Variants in PLCE1 observed in about 807,000 individuals in gnomAD.
PLCE1 encodes the protein phospholipase C epsilon 1.
In PLCE1, 119 loss-of-function variants were observed where a neutral mutation model predicts 242.8. That is an observed-to-expected ratio of 0.49 (90% CI 0.42 to 0.57). The LOEUF (loss-of-function observed/expected upper bound fraction) is 0.57. PLCE1 is among the 20% of genes least tolerant of loss of function. PLCE1 has a pLI of 0.00. For missense variants in PLCE1, 2,441 were observed against 2,788.8 expected, an observed-to-expected ratio of 0.88 and a Z score of 2.81; for synonymous variants, 945 against 1,017.4, an observed-to-expected ratio of 0.93 and a Z score of 1.35.
Position 94,031,593 on chromosome 10 carries a change from A to G in PLCE1, c.547A>G (p.Arg183Gly). 1.2e-6 allele frequency: 2 copies of G among 1,612,954 alleles called. No homozygotes were observed. Among genetic ancestry groups the G allele is most frequent in the Admixed American group, 1.7e-5 (1 of 59,982 alleles). Residue 183 changes from arginine (R) to glycine (G), a missense_variant, in exon 2 of 33, where the codon AGA (arginine) becomes GGA (glycine). This residue lies in a region of PLCE1 where 393 missense variants were observed against 378.5 expected (regional missense o/e 1.04). Transcript: ENST00000371380. ...GACAGGCAGAGCACACCCTGACAGC[A>G]GAAGGGCAGTATTTCATTTTCATTA... ...IETGRAHPDSRRAVFHFHYEV... is the reference protein window; with the variant it reads ...IETGRAHPDSGRAVFHFHYEV...
intron 3 of PLCE1, among the ~76,000 whole-genome samples, chr10:94,142,115 G>C (rs1440403553): frequency 6.6e-6 from 1 of 152,058 alleles, no homozygotes; most frequent in Non-Finnish European, 1.5e-5. Context: ...TTCAACATTG[G>C]GTCATCCTAT....
chr10:94,031,354 A>T lies in PLCE1; in HGVS notation c.308A>T (p.Asn103Ile). Residue 103 changes from asparagine to isoleucine, a missense_variant, in exon 2 of 33, where the codon AAC (asparagine) becomes ATC (isoleucine). Coordinates refer to ENST00000371380, the MANE Select transcript of PLCE1 (RefSeq NM_016341.4). Reference sequence around the variant, plus strand: ...ATGCCAGATTCTGCGAAAAACCTTAACATTAACTGCAACAACATATTGAGA... The same window carrying T: ...ATGCCAGATTCTGCGAAAAACCTTATCATTAACTGCAACAACATATTGAGA... Reference protein sequence around the residue: ...KIMPDSAKNLNINCNNILRNH... With the variant: ...KIMPDSAKNLIINCNNILRNH... 3.1e-6 allele frequency: 5 copies of T among 1,613,918 alleles called. No homozygotes were observed. Among genetic ancestry groups the T allele is most frequent in the Non-Finnish European group, 4.2e-6 (5 of 1,179,862 alleles).
At chr10:94,069,210 T>C (rs2044282468) in intron 2 of PLCE1, among the ~76,000 whole-genome samples, 1 of 152,222 alleles carries the variant, frequency 6.6e-6, no homozygotes. Context: ...GAACACAAAA[T>C]TTTAATGCTA....
intron 4 of PLCE1, among the ~76,000 whole-genome samples, chr10:94,216,532 C>T (rs1340186268): frequency 2.6e-5 from 4 of 152,098 alleles, no homozygotes; most frequent in Non-Finnish European, 5.9e-5. Context: ...CCAGAGGTGG[C>T]AGCAGCTTGG....
chr10:94,240,805 A>AT (rs2050481350), intron 7 of PLCE1, among the ~76,000 whole-genome samples: 1 of 152,078 alleles, frequency 6.6e-6, no homozygotes, highest in Non-Finnish European at 1.5e-5. Flanking sequence ...CCTTTCTTCT[A>AT]TTTTTACTCC....
intron 2 of PLCE1, chr10:94,088,131 C>T (rs2135327095): frequency 6.6e-6 from 1 of 152,356 alleles, no homozygotes; most frequent in South Asian, 2.1e-4. Flanking sequence ...TACCTAATAG[C>T]TTACCACTAC....
intron 4 of PLCE1, among the ~76,000 whole-genome samples, chr10:94,226,831 CTTTTTTTTTT>C (rs1177112312): frequency 2.0e-5 from 2 of 101,818 alleles, no homozygotes; most frequent in East Asian, 2.7e-4. Flanking sequence ...ACCTATAGGT[CTTTTTTTTTT>C]TTTTTTTTTT....
chr10:94,022,632 G>C (rs2061392222), intron 1 of PLCE1, among the ~76,000 whole-genome samples: 1 of 151,890 alleles, frequency 6.6e-6, no homozygotes, highest in Non-Finnish European at 1.5e-5. Context: ...AGTCTGTATA[G>C]GCCCCCCTTT....
chr10:94,061,554 G>A (rs2044056293), intron 2 of PLCE1, among the ~76,000 whole-genome samples: 1 of 152,136 alleles, frequency 6.6e-6, no homozygotes, highest in Non-Finnish European at 1.5e-5. Flanking sequence ...ACATGATCAA[G>A]AAGATAATGC....
rs541146630 is a variant in PLCE1 at position 94,187,184 on chromosome 10, G to A, written c.1809+15688G>A. Reference sequence around the variant, plus strand: ...TGTGTGTGTGTGTGTGTGTGTGTGCGTGCACACACATTACTGCATCTAGTT... The same window carrying A: ...TGTGTGTGTGTGTGTGTGTGTGTGCATGCACACACATTACTGCATCTAGTT... On this transcript the variant is annotated intron_variant, in intron 4 of 32. Coordinates refer to ENST00000371380, the MANE Select transcript of PLCE1 (RefSeq NM_016341.4). Among the ~76,000 whole-genome samples, 8 of 151,102 alleles carry A rather than the reference G, an allele frequency of 5.3e-5. No homozygotes were observed. The East Asian group carries it at 7.8e-4, about 15-fold the overall frequency.
rs2051407862 is a variant in PLCE1 at position 94,263,906 on chromosome 10, A to G, written c.4053+1174A>G. ...AACTATTATAAGGAGTTGGTACATAATTTTTTGTTGTTATTCTAGAACATG... is the reference window on the plus strand; with the variant it reads ...AACTATTATAAGGAGTTGGTACATAGTTTTTTGTTGTTATTCTAGAACATG... On this transcript the variant is annotated intron_variant, in intron 14 of 32. Transcript: ENST00000371380. 1.3e-5 allele frequency among the ~76,000 whole-genome samples: 2 copies of G among 152,032 alleles called. 1 individual carries two copies. Among genetic ancestry groups the G allele is most frequent in the South Asian group, 4.2e-4 (2 of 4,816 alleles).
chr10:94,218,903 T>TAA (rs10661238), intron 4 of PLCE1, among the ~76,000 whole-genome samples: 93,836 of 145,990 alleles, frequency 0.64, 30,422 homozygotes, highest in East Asian at 0.92. Context: ...TATATAATTA[T>TAA]AAAAAATCTG....
At chr10:94,188,588 C>T (rs1457116631) in intron 4 of PLCE1, among the ~76,000 whole-genome samples, 9 of 151,988 alleles carry the variant, frequency 5.9e-5, no homozygotes. Context: ...TTGGTTTGTT[C>T]GTTTGTTTGT....
At chr10:94,162,277 A>G (rs1309563228) in intron 3 of PLCE1, among the ~76,000 whole-genome samples, 2 of 152,180 alleles carry the variant, frequency 1.3e-5, no homozygotes, top group Admixed American at 6.5e-5. Context: ...CTGTGAATCC[A>G]TCTGGTCCTG....
chr10:94,302,395 T>C (rs187620839), intron 24 of PLCE1, among the ~76,000 whole-genome samples: 10 of 152,288 alleles, frequency 6.6e-5, no homozygotes, highest in Admixed American at 6.5e-4. Context: ...TAAAATAAAA[T>C]AATTTTTTAA....
At chr10:94,304,743 A>G (rs1195116049) in intron 25 of PLCE1, 98 bp downstream of exon 25, 12 of 1,175,090 alleles carry the variant, frequency 1.0e-5, no homozygotes, top group East Asian at 2.3e-5. Context: ...CTGTCATGTC[A>G]CAATTTGGGT....
intron 2 of PLCE1, among the ~76,000 whole-genome samples, chr10:94,054,380 C>G (rs2043844777): frequency 6.6e-6 from 1 of 152,176 alleles, no homozygotes; most frequent in African/African-American, 2.4e-5. Flanking sequence ...GTGAAGTACA[C>G]CATGTTCTAG....
intron 1 of PLCE1, among the ~76,000 whole-genome samples, chr10:93,999,736 C>T (rs900945302): frequency 1.7e-5 from 2 of 120,038 alleles, no homozygotes; most frequent in Non-Finnish European, 3.3e-5. Context: ...GGCCCCAGCG[C>T]CCTGTTGGCT....
chr10:94,045,471 T>C (rs2061861738), intron 2 of PLCE1, among the ~76,000 whole-genome samples: 1 of 152,194 alleles, frequency 6.6e-6, no homozygotes, highest in Admixed American at 6.5e-5. Flanking sequence ...AGTCCCTTGC[T>C]TTATGGATAA....
Sources: gnomAD v4.1 joint callset for allele counts (sites outside exome capture counted in the v4.1 genomes callset) on GRCh38, gnomAD v4.1.1 for gene constraint, gnomAD v4.1.1 regional missense constraint, MANE v1.5 for transcripts, NCBI Gene and HGNC (gene_info 2026-07-23, HGNC 2026-07-21) for gene names.